LRGUK: variants seen among roughly 807,000 people sequenced by gnomAD.
LRGUK encodes the protein leucine rich repeats and guanylate kinase domain containing.
A neutral mutation model predicts 76.0 loss-of-function variants in LRGUK; 65 were observed. The observed-to-expected ratio is 0.85, with a 90% CI of 0.70 to 1.05. The LOEUF (loss-of-function observed/expected upper bound fraction) is 1.05, where lower values mean the gene tolerates loss of function less well. Ranked by LOEUF, LRGUK falls within the 50% of genes least tolerant of loss-of-function variation. LRGUK has a pLI of 0.00. For synonymous variants in LRGUK, 268 were observed against 265.6 expected, an observed-to-expected ratio of 1.01 and a Z score of -0.09; for missense variants, 758 against 732.8, an observed-to-expected ratio of 1.03 and a Z score of -0.40.
At chr7:134,130,935 G>C (rs2116791747) in intron 1 of LRGUK, among the ~76,000 whole-genome samples, 1 of 152,330 alleles carries the variant, frequency 6.6e-6, no homozygotes, top group African/African-American at 2.4e-5. Flanking sequence ...AGAATTAAAT[G>C]AGATCCTATA....
At chr7:134,204,608 A>C (rs1334671270) in intron 15 of LRGUK, among the ~76,000 whole-genome samples, 2 of 152,208 alleles carry the variant, frequency 1.3e-5, no homozygotes, top group East Asian at 3.8e-4. Context: ...TATCTTATCT[A>C]GACAATTAAT....
intron 7 of LRGUK, among the ~76,000 whole-genome samples, chr7:134,173,448 A>T (rs1799343950): frequency 6.6e-6 from 1 of 152,100 alleles, no homozygotes; most frequent in African/African-American, 2.4e-5. Flanking sequence ...AAAAGTGATG[A>T]TTAACTTTTT....
At chr7:134,198,949 T>C (rs1224029528) in intron 13 of LRGUK, among the ~76,000 whole-genome samples, 1 of 152,224 alleles carries the variant, frequency 6.6e-6, no homozygotes, top group East Asian at 1.9e-4. Flanking sequence ...AGCAATTTTC[T>C]AACAGTCATA....
At chr7:134,182,041 G>A (rs919163285) in intron 10 of LRGUK, among the ~76,000 whole-genome samples, 9 of 152,016 alleles carry the variant, frequency 5.9e-5, no homozygotes, top group Non-Finnish European at 1.2e-4. Flanking sequence ...CCACTAATCT[G>A]TCCCTGTCTC....
At chr7:134,166,763 A>G (rs1799005430) in intron 7 of LRGUK, among the ~76,000 whole-genome samples, 1 of 152,178 alleles carries the variant, frequency 6.6e-6, no homozygotes, top group African/African-American at 2.4e-5. Context: ...GCTGCTTTGT[A>G]TAGAAGGAAC....
intron 1 of LRGUK, 137 bp downstream of exon 1, chr7:134,127,801 C>T: frequency 1.1e-6 from 1 of 934,882 alleles, no homozygotes. Flanking sequence ...AGGAACGCCT[C>T]TTCCCCCTCT....
intron 10 of LRGUK, among the ~76,000 whole-genome samples, chr7:134,179,265 T>C (rs1799636741): frequency 6.6e-6 from 1 of 152,218 alleles, no homozygotes; most frequent in African/African-American, 2.4e-5. Flanking sequence ...CTTTCTTCAT[T>C]TCTTTTTAAA....
intron 16 of LRGUK, among the ~76,000 whole-genome samples, chr7:134,243,589 A>C (rs1388945557): frequency 6.6e-6 from 1 of 152,164 alleles, no homozygotes; most frequent in Non-Finnish European, 1.5e-5. Context: ...ATGCTCATGG[A>C]TAGGAAGAAT....
chr7:134,224,063 C>T (rs1801670385), intron 16 of LRGUK, among the ~76,000 whole-genome samples: 1 of 152,196 alleles, frequency 6.6e-6, no homozygotes, highest in African/African-American at 2.4e-5. Context: ...CCAGCTCTTT[C>T]CAGATCAGCC....
At chr7:134,224,454 T>C (rs995674090) in intron 16 of LRGUK, among the ~76,000 whole-genome samples, 5 of 151,984 alleles carry the variant, frequency 3.3e-5, no homozygotes, top group Non-Finnish European at 7.4e-5. Context: ...CGATGCAGGA[T>C]CAGAAAACCA....
intron 16 of LRGUK, among the ~76,000 whole-genome samples, chr7:134,238,053 T>TC (rs933393437): frequency 4.6e-5 from 7 of 151,936 alleles, no homozygotes; most frequent in South Asian, 2.1e-4. Context: ...ACAAATGTTC[T>TC]CCCCCCCATT....
intron 18 of LRGUK, among the ~76,000 whole-genome samples, chr7:134,254,566 G>A (rs1399192584): frequency 6.6e-6 from 1 of 152,036 alleles, no homozygotes; most frequent in Non-Finnish European, 1.5e-5. Flanking sequence ...TCTTAAATAA[G>A]GGCACTAATC....
chr7:134,142,860 T>G (rs1797823661), intron 3 of LRGUK, among the ~76,000 whole-genome samples: 1 of 152,220 alleles, frequency 6.6e-6, no homozygotes, highest in East Asian at 1.9e-4. Context: ...AGGATTAAAT[T>G]ATTGACTCCG....
In LRGUK at chr7:134,177,074, A is replaced by G; in HGVS notation, c.1107+11A>G. 3.3e-6 allele frequency: 5 copies of G among 1,520,078 alleles called. No homozygotes were observed. The highest frequency in any genetic ancestry group is 1.4e-5 in the African/African-American group (1 of 72,620). 94.2% of individuals were successfully genotyped at this position (1,520,078 alleles called of 1,614,324 possible). On this transcript the variant is annotated intron_variant, in intron 9 of 15. Coordinates refer to ENST00000645682, the Ensembl canonical transcript of LRGUK. ...AAAGTGGAAGAAAAGGTATGTAATC[A>G]TGTCATAACATTACCATTGTGTTAT...
chr7:134,238,570 C>A (rs1271116311), intron 16 of LRGUK, among the ~76,000 whole-genome samples: 1 of 151,890 alleles, frequency 6.6e-6, no homozygotes, highest in Non-Finnish European at 1.5e-5. Context: ...ATTTCTAATT[C>A]TTTCCTGAGT....
the LRGUK span, among the ~76,000 whole-genome samples, chr7:134,275,057 T>G: frequency 1.3e-5 from 2 of 152,156 alleles, no homozygotes; most frequent in African/African-American, 4.8e-5. Context: ...CTTTTTTTGC[T>G]CTTTTCATTT....
At chr7:134,228,431 C>T (rs974804907) in intron 16 of LRGUK, among the ~76,000 whole-genome samples, 1 of 152,052 alleles carries the variant, frequency 6.6e-6, no homozygotes, top group African/African-American at 2.4e-5. Flanking sequence ...AAGGGTAATA[C>T]ATGAGTAAAT....
intron 6 of LRGUK, among the ~76,000 whole-genome samples, chr7:134,161,309 TG>T (rs1479943517): frequency 2.0e-5 from 3 of 152,178 alleles, no homozygotes; most frequent in African/African-American, 7.2e-5. Flanking sequence ...ACATTAAGTT[TG>T]GTGTAGTTTT....
At chr7:134,255,222 A>AACACAC (rs66632170) in intron 18 of LRGUK, among the ~76,000 whole-genome samples, 1,974 of 143,138 alleles carry the variant, frequency 0.014, 40 homozygotes, top group African/African-American at 0.046. Flanking sequence ...ATGTTATCTC[A>AACACAC]ACACACACAC....
Sources: gnomAD v4.1 joint callset for allele counts (sites outside exome capture counted in the v4.1 genomes callset) on GRCh38, gnomAD v4.1.1 for gene constraint, MANE v1.5 for transcripts, NCBI Gene and HGNC (gene_info 2026-07-23, HGNC 2026-07-21) for gene names.